HS3ST5: variants seen among roughly 807,000 people sequenced by gnomAD.
HS3ST5 encodes the protein heparan sulfate-glucosamine 3-sulfotransferase 5.
Under a neutral mutation model 25.4 loss-of-function variants are expected in HS3ST5, and 10 were observed. That is an observed-to-expected ratio of 0.39 (90% CI 0.24 to 0.67). HS3ST5 has a LOEUF of 0.67. Ranked by LOEUF, HS3ST5 falls within the 30% of genes least tolerant of loss-of-function variation. The probability of loss-of-function intolerance (pLI) is 0.44; values close to 1 mark genes in which losing one functional copy is unlikely to be tolerated. For missense variants in HS3ST5, 324 were observed against 420.7 expected, an observed-to-expected ratio of 0.77 and a Z score of 2.01; for synonymous variants, 170 against 162.4, an observed-to-expected ratio of 1.05 and a Z score of -0.36.
intron 3 of HS3ST5, among the ~76,000 whole-genome samples, chr6:114,080,317 C>CA (rs1774378561): frequency 6.6e-6 from 1 of 152,146 alleles, no homozygotes; most frequent in South Asian, 2.1e-4. Flanking sequence ...ATTCAATAAA[C>CA]GATGCTGTGA....
chr6:114,078,935 A>T (rs1008206279), intron 3 of HS3ST5, among the ~76,000 whole-genome samples: 3 of 152,244 alleles, frequency 2.0e-5, no homozygotes, highest in Non-Finnish European at 4.4e-5. Flanking sequence ...TCCCAAGCAT[A>T]TAAAAGTTAT....
At chr6:114,167,721 G>C (rs954280325) in intron 3 of HS3ST5, 3 of 152,168 alleles carry the variant, frequency 2.0e-5, no homozygotes, top group Non-Finnish European at 4.4e-5. Context: ...TTTCCAGAAA[G>C]AAACAGTTGT....
intron 3 of HS3ST5, among the ~76,000 whole-genome samples, chr6:114,149,428 G>T (rs541408652): frequency 2.2e-4 from 33 of 152,308 alleles, no homozygotes; most frequent in Middle Eastern, 3.4e-3. Flanking sequence ...CATGTCCTTT[G>T]CAGGGACATG....
chr6:114,061,311 G>T (rs1773102369), intron 4 of HS3ST5, among the ~76,000 whole-genome samples: 1 of 152,180 alleles, frequency 6.6e-6, no homozygotes, highest in Non-Finnish European at 1.5e-5. Context: ...TAACCATCAA[G>T]TGCTACTTTA....
chr6:114,222,225 T>C (rs1273057575), intron 2 of HS3ST5, among the ~76,000 whole-genome samples: 1 of 151,940 alleles, frequency 6.6e-6, no homozygotes, highest in Non-Finnish European at 1.5e-5. Context: ...CTTTCTTTTA[T>C]ACCTTATTGT....
intron 3 of HS3ST5, among the ~76,000 whole-genome samples, chr6:114,139,842 G>T (rs1013451110): frequency 6.6e-6 from 1 of 152,166 alleles, no homozygotes; most frequent in African/African-American, 2.4e-5. Flanking sequence ...AGCCATATTT[G>T]ATTTTAAAGT....
intron 3 of HS3ST5, among the ~76,000 whole-genome samples, chr6:114,097,724 T>C (rs2114811810): frequency 6.6e-6 from 1 of 152,022 alleles, no homozygotes; most frequent in South Asian, 2.1e-4. Context: ...GTAATTTTCC[T>C]GAGCTCTACT....
At chr6:114,242,874 A>AG (rs1582751591) in intron 1 of HS3ST5, among the ~76,000 whole-genome samples, 2 of 151,502 alleles carry the variant, frequency 1.3e-5, no homozygotes, top group South Asian at 2.1e-4. Context: ...AAAAAAAAAA[A>AG]AAGAAGAAGG....
chr6:114,135,118 G>T (rs563262421), intron 3 of HS3ST5, among the ~76,000 whole-genome samples: 2 of 152,334 alleles, frequency 1.3e-5, no homozygotes, highest in South Asian at 2.1e-4. Context: ...AATAGATAAT[G>T]TGGAGAGGAC....
intron 2 of HS3ST5, among the ~76,000 whole-genome samples, chr6:114,215,385 G>A (rs1056469743): frequency 5.3e-5 from 8 of 152,044 alleles, no homozygotes; most frequent in African/African-American, 1.4e-4. Context: ...ATGGGACCCC[G>A]AACCCTGGCT....
chr6:114,252,492 T>G (rs530419326), intron 1 of HS3ST5, among the ~76,000 whole-genome samples: 1 of 152,338 alleles, frequency 6.6e-6, no homozygotes, highest in African/African-American at 2.4e-5. Context: ...GGAGGGGGAA[T>G]GAGCAAAAGT....
In HS3ST5 at chr6:114,239,941, A is replaced by G. The variant is rs560281217; in HGVS notation, c.-338-11163T>C. 2.0e-5 allele frequency among the ~76,000 whole-genome samples: 3 copies of G among 152,194 alleles called. No individual in the cohort carries two copies. The East Asian group carries it at 5.8e-4, about 29-fold the overall frequency. ...TATAAAGATTCTTAGATACTTTGCCAGCACAAAGCTCATCACTGAATTCAG... is the reference window on the plus strand; with the variant it reads ...TATAAAGATTCTTAGATACTTTGCCGGCACAAAGCTCATCACTGAATTCAG... On this transcript the variant is annotated intron_variant, in intron 1 of 4. Transcript: ENST00000312719.
chr6:114,198,875 C>CAT (rs779422843), intron 2 of HS3ST5, among the ~76,000 whole-genome samples: 52 of 151,974 alleles, frequency 3.4e-4, no homozygotes, highest in Non-Finnish European at 6.3e-4. Context: ...CTGTTTATGA[C>CAT]ATATACACAC....
intron 1 of HS3ST5, among the ~76,000 whole-genome samples, chr6:114,238,405 A>G (rs1466908333): frequency 2.0e-5 from 3 of 152,226 alleles, no homozygotes; most frequent in Non-Finnish European, 1.5e-5. Flanking sequence ...TTACTTGGCT[A>G]GAGGATCACT....
chr6:114,169,173 A>G lies in HS3ST5; in HGVS notation c.-144-711T>C, dbSNP rs941568079. Among the ~76,000 whole-genome samples, 3 of 152,166 alleles carry G rather than the reference A, an allele frequency of 2.0e-5. No individual in the cohort carries two copies. The East Asian group carries it at 5.8e-4, about 29-fold the overall frequency. ...CATCTAAACAGATTGTAGGACCCTA[A>G]TACATCATTTCACTAATATATATTC... On this transcript the variant is annotated intron_variant, in intron 2 of 4. Coordinates refer to ENST00000312719, the MANE Select transcript of HS3ST5 (RefSeq NM_153612.4).
intron 1 of HS3ST5, among the ~76,000 whole-genome samples, chr6:114,276,889 A>C (rs1371321888): frequency 6.6e-6 from 1 of 152,004 alleles, no homozygotes; most frequent in African/African-American, 2.4e-5. Flanking sequence ...TTATGTAAGG[A>C]AATAATGGAA....
At chr6:114,302,621 T>A (rs1775126889) in intron 1 of HS3ST5, among the ~76,000 whole-genome samples, 1 of 152,066 alleles carries the variant, frequency 6.6e-6, no homozygotes, top group African/African-American at 2.4e-5. Flanking sequence ...AAAGAAAAAA[T>A]TATTTCATTT....
intron 3 of HS3ST5, among the ~76,000 whole-genome samples, chr6:114,094,125 G>A (rs1428103368): frequency 1.3e-5 from 2 of 152,072 alleles, no homozygotes; most frequent in East Asian, 1.9e-4. Context: ...AGGGGATGAG[G>A]TAGAGCCAGT....
At chr6:114,290,265 G>A (rs1267483366) in intron 1 of HS3ST5, among the ~76,000 whole-genome samples, 1 of 152,150 alleles carries the variant, frequency 6.6e-6, no homozygotes, top group East Asian at 1.9e-4. Context: ...TGAAAAGTGT[G>A]AAGTGGACCA....
Sources: gnomAD v4.1 joint callset for allele counts (sites outside exome capture counted in the v4.1 genomes callset) on GRCh38, gnomAD v4.1.1 for gene constraint, MANE v1.5 for transcripts, NCBI Gene and HGNC (gene_info 2026-07-23, HGNC 2026-07-21) for gene names.